Variants in DRC11 observed in about 807,000 individuals in gnomAD.
The protein encoded by DRC11 is IQ and AAA domain-containing protein 1.
At chr2:236,320,554 C>T in the DRC11 span, among the ~76,000 whole-genome samples, 6 of 152,266 alleles carry the variant, frequency 3.9e-5, no homozygotes, top group South Asian at 6.2e-4. Flanking sequence ...CGACGGTCTC[C>T]GTCTCAGGAG....
chr2:236,435,101 A>C, the DRC11 span, among the ~76,000 whole-genome samples: 1 of 152,136 alleles, frequency 6.6e-6, no homozygotes, highest in Non-Finnish European at 1.5e-5. Context: ...TGTGTGCTTA[A>C]CTCTGAGGGC....
the DRC11 span, among the ~76,000 whole-genome samples, chr2:236,359,813 T>C: frequency 6.6e-6 from 1 of 152,190 alleles, no homozygotes; most frequent in Non-Finnish European, 1.5e-5. This position sits in a 1 kb window ranked among gnomAD's most constrained non-coding sequence, Gnocchi z 4.3. Flanking sequence ...TTTTAATTGA[T>C]TGACTCCCAC....
At chr2:236,354,712 C>T in the DRC11 span, among the ~76,000 whole-genome samples, 1 of 152,198 alleles carries the variant, frequency 6.6e-6, no homozygotes, top group African/African-American at 2.4e-5. Flanking sequence ...TACACAACAC[C>T]TGCGGATGCC....
chr2:236,497,947 G>A, the DRC11 span, among the ~76,000 whole-genome samples: 13 of 152,308 alleles, frequency 8.5e-5, 2 homozygotes, highest in African/African-American at 2.9e-4. The surrounding 1 kb of genome is among the most constrained non-coding windows in gnomAD (Gnocchi z 5.1). Context: ...AGAGAAACTT[G>A]TAAATATGCA....
chr2:236,426,212 G>A, the DRC11 span, among the ~76,000 whole-genome samples: 2 of 151,944 alleles, frequency 1.3e-5, no homozygotes, highest in African/African-American at 4.8e-5. The surrounding 1 kb of genome is among the most constrained non-coding windows in gnomAD (Gnocchi z 4.1). Flanking sequence ...TGAATCTATA[G>A]ATCACTTTGG....
At chr2:236,354,351 G>T in the DRC11 span, among the ~76,000 whole-genome samples, 1 of 151,906 alleles carries the variant, frequency 6.6e-6, no homozygotes, top group Admixed American at 6.6e-5. Context: ...ATGTGTGTGT[G>T]TGGGGGGCAG....
At chr2:236,475,075 C>T in the DRC11 span, among the ~76,000 whole-genome samples, 1 of 152,030 alleles carries the variant, frequency 6.6e-6, no homozygotes, top group Non-Finnish European at 1.5e-5. The surrounding 1 kb of genome is among the most constrained non-coding windows in gnomAD (Gnocchi z 4.8). Flanking sequence ...GATCTTATTC[C>T]TTCTATAGAA....
At chr2:236,480,295 T>C in the DRC11 span, among the ~76,000 whole-genome samples, 2 of 152,170 alleles carry the variant, frequency 1.3e-5, no homozygotes, top group African/African-American at 4.8e-5. Flanking sequence ...AGGTTTGAAA[T>C]GTTTTCTGTT....
At chr2:236,357,081 C>CTATATTT in the DRC11 span, among the ~76,000 whole-genome samples, 2 of 98,328 alleles carry the variant, frequency 2.0e-5, no homozygotes, top group African/African-American at 1.1e-4. Context: ...TATTATATAT[C>CTATATTT]TATATATTTT....
At chr2:236,486,045 C>A in the DRC11 span, among the ~76,000 whole-genome samples, 1 of 152,210 alleles carries the variant, frequency 6.6e-6, no homozygotes, top group Non-Finnish European at 1.5e-5. This position sits in a 1 kb window ranked among gnomAD's most constrained non-coding sequence, Gnocchi z 5.7. Flanking sequence ...CTTCTGTGAT[C>A]ATTTGCATAA....
At chr2:236,504,191 C>T in the DRC11 span, among the ~76,000 whole-genome samples, 1 of 135,908 alleles carries the variant, frequency 7.4e-6, no homozygotes, top group African/African-American at 3.3e-5. This position sits in a 1 kb window ranked among gnomAD's most constrained non-coding sequence, Gnocchi z 5.0. Flanking sequence ...AGTGAAATTA[C>T]ACGGCGGTGG....
the DRC11 span, among the ~76,000 whole-genome samples, chr2:236,341,183 T>C: frequency 6.6e-6 from 1 of 152,208 alleles, no homozygotes; most frequent in African/African-American, 2.4e-5. Flanking sequence ...AAAGCAGCGA[T>C]TCCTTGGCAG....
the DRC11 span, among the ~76,000 whole-genome samples, chr2:236,447,199 T>C: frequency 1.5e-3 from 232 of 151,582 alleles, 10 homozygotes; most frequent in African/African-American, 4.9e-3. The surrounding 1 kb of genome is among the most constrained non-coding windows in gnomAD (Gnocchi z 4.6). Context: ...TGCCCCCTCA[T>C]AGTCACATGC....
At chr2:236,491,106 G>GTATATATATACAGTGTGTATATA in the DRC11 span, among the ~76,000 whole-genome samples, 15 of 116,820 alleles carry the variant, frequency 1.3e-4, no homozygotes, top group South Asian at 7.8e-4. Context: ...GTGTGTGTGT[G>GTATATATATACAGTGTGTATATA]TATATATATA....
the DRC11 span, among the ~76,000 whole-genome samples, chr2:236,373,759 C>T: frequency 6.6e-6 from 1 of 152,126 alleles, no homozygotes; most frequent in Non-Finnish European, 1.5e-5. Context: ...ATAGCTTTTC[C>T]AGTTTCACAG....
chr2:236,426,489 A>G, the DRC11 span, among the ~76,000 whole-genome samples: 2 of 152,164 alleles, frequency 1.3e-5, no homozygotes, highest in Non-Finnish European at 2.9e-5. This position sits in a 1 kb window ranked among gnomAD's most constrained non-coding sequence, Gnocchi z 4.1. Context: ...CTGATTTTGT[A>G]TCTTGCAACT....
chr2:236,408,796 G>C, the DRC11 span: 1 of 668,658 alleles, frequency 1.5e-6, no homozygotes, highest in Non-Finnish European at 2.8e-6. This position sits in a 1 kb window ranked among gnomAD's most constrained non-coding sequence, Gnocchi z 5.5. Context: ...GGTTTGAGGG[G>C]TTTCCACATA....
the DRC11 span, among the ~76,000 whole-genome samples, chr2:236,474,132 A>G: frequency 5.9e-5 from 9 of 152,182 alleles, no homozygotes; most frequent in African/African-American, 2.2e-4. Flanking sequence ...AGAAGACAAC[A>G]TTCTTTTAAA....
the DRC11 span, among the ~76,000 whole-genome samples, chr2:236,359,076 G>A: frequency 6.6e-6 from 1 of 152,068 alleles, no homozygotes; most frequent in Non-Finnish European, 1.5e-5. This position sits in a 1 kb window ranked among gnomAD's most constrained non-coding sequence, Gnocchi z 4.3. Flanking sequence ...GGCAAGGGAA[G>A]GCCAGGGCAG....
Sources: gnomAD v4.1 joint callset for allele counts (sites outside exome capture counted in the v4.1 genomes callset) on GRCh38, gnomAD v4.1.1 for gene constraint, Gnocchi (gnomAD v3.1) non-coding constraint, MANE v1.5 for transcripts, NCBI Gene and HGNC (gene_info 2026-07-23, HGNC 2026-07-21) for gene names.